The following CAPN1 variants were observed in gnomAD, a reference collection of about 807,000 sequenced individuals.
CAPN1 encodes calpain 1, also known as calpain-1 catalytic subunit.
A neutral mutation model predicts 105.2 loss-of-function variants in CAPN1; 77 were observed. The ratio of observed to expected loss-of-function variants is 0.73; its 90% confidence interval spans 0.61 to 0.88. The LOEUF (loss-of-function observed/expected upper bound fraction) is 0.88, where lower values mean the gene tolerates loss of function less well. Ranked by LOEUF, CAPN1 falls within the 40% of genes least tolerant of loss-of-function variation. The pLI is 0.00. For missense variants in CAPN1, 833 were observed against 976.6 expected (o/e 0.85, Z 1.96); for synonymous variants, 355 against 388.8 (o/e 0.91, Z 1.02).
intron 10 of CAPN1, among the ~76,000 whole-genome samples, chr11:65,198,273 T>C (rs1015179564): frequency 2.0e-5 from 3 of 152,072 alleles, no homozygotes; most frequent in African/African-American, 7.2e-5. Flanking sequence ...CCCGAGTAGC[T>C]GAGTGGTACT....
chr11:65,198,290 G>A (rs1442631007), intron 10 of CAPN1, among the ~76,000 whole-genome samples: 2 of 151,964 alleles, frequency 1.3e-5, no homozygotes, highest in African/African-American at 2.4e-5. Context: ...TACTACAGGT[G>A]CACACCACCA....
At chr11:65,205,563 G>A (rs1433704146) in intron 11 of CAPN1, 147 bp from the exon 12 acceptor site, 8 of 748,288 alleles carry the variant, frequency 1.1e-5, no homozygotes, top group Non-Finnish European at 1.4e-5. Flanking sequence ...GTGGTGCAGG[G>A]ACCAGATCTG....
Position 65,210,113 on chromosome 11 carries a change from G to A in CAPN1, c.1942+17G>A. 6.2e-7 allele frequency: 1 copy of A among 1,606,142 alleles called. No individual in the cohort carries two copies. Among genetic ancestry groups the A allele is most frequent in the South Asian group, 1.1e-5 (1 of 90,904 alleles). On this transcript the variant is annotated intron_variant, in intron 19 of 21. Transcript: ENST00000279247. The surrounding 1 kb of genome is among the most constrained non-coding windows in gnomAD (Gnocchi z 4.3). ...AGTCGGCAGGTGAGACTCCAAGGCT[G>A]ACGGCACCTGTGGGGCCCAGGACAG...
At chr11:65,187,578 G>A (rs1948653686) in intron 7 of CAPN1, 1 of 527,970 alleles carries the variant, frequency 1.9e-6, no homozygotes, top group African/African-American at 1.9e-5. Context: ...GAGGGTATGG[G>A]AGGCGGAGTG....
Position 65,210,273 on chromosome 11 carries a change from C to T in CAPN1, c.1943-63C>T. On this transcript the variant is annotated intron_variant, in intron 19 of 21. Transcript: ENST00000279247. The surrounding 1 kb of genome is among the most constrained non-coding windows in gnomAD (Gnocchi z 4.3). ...CCAGCCCCCTCCTGGGGACCCAACC[C>T]CTCCCCCATCCTGTTGGGCAGGGGC... 7.7e-7 allele frequency: 1 copy of T among 1,298,184 alleles called. No homozygotes were observed. Among genetic ancestry groups the T allele is most frequent in the South Asian group, 1.2e-5 (1 of 81,352 alleles). The allele number at this position is 1,298,184 out of a possible 1,614,324, so 80.4% of individuals were successfully genotyped here. A position where few individuals can be genotyped will look rare whatever the true frequency, so the allele number is the denominator to read the frequency against.
intron 10 of CAPN1, 61 bp from the exon 11 acceptor site, chr11:65,204,622 T>C: frequency 6.7e-7 from 1 of 1,483,938 alleles, no homozygotes; most frequent in Non-Finnish European, 9.4e-7. Context: ...TGAGGAGGCT[T>C]GGGGGCCAAT....
At chr11:65,182,124 G>C (rs1054202065) in intron 1 of CAPN1, 111 bp downstream of exon 1, 2 of 155,006 alleles carry the variant, frequency 1.3e-5, no homozygotes, top group African/African-American at 4.8e-5. Context: ...TCCTGGAGCA[G>C]GGGTGGGGGC....
chr11:65,186,495 C>T (rs572385471), intron 6 of CAPN1, among the ~76,000 whole-genome samples, 157 bp downstream of exon 6: 1 of 152,168 alleles, frequency 6.6e-6, no homozygotes, highest in Non-Finnish European at 1.5e-5. Context: ...TCACTTCCAC[C>T]CCCCATGCCT....
At chr11:65,201,620 C>T (rs1293965459) in intron 10 of CAPN1, among the ~76,000 whole-genome samples, 1 of 151,976 alleles carries the variant, frequency 6.6e-6, no homozygotes, top group Admixed American at 6.6e-5. Context: ...CAGGTTCATG[C>T]CATTCTCCTG....
intron 4 of CAPN1, among the ~76,000 whole-genome samples, chr11:65,185,309 C>T (rs902951490): frequency 2.0e-5 from 3 of 151,484 alleles, no homozygotes; most frequent in African/African-American, 7.3e-5. Context: ...GCAAGACAGA[C>T]TATGGAAGGG....
In CAPN1 at chr11:65,204,883, A is replaced by T. The variant is rs2271450; in HGVS notation, c.1341+25A>T. 592,280 of 1,584,654 alleles carry T rather than the reference A, an allele frequency of 0.37. 112,888 individuals carry two copies. Among genetic ancestry groups the T allele is most frequent in the Admixed American group, 0.46 (27,676 of 59,522 alleles). The stretch of plus-strand genomic sequence containing the variant: ...GGTCAGGAGGGTGGATCACCGGTGG[A>T]TCTCACTGAGCAGGCAGAGGACCTG... On this transcript the variant is annotated intron_variant, in intron 11 of 21. Coordinates refer to ENST00000279247, the MANE Select transcript of CAPN1 (RefSeq NM_005186.4).
chr11:65,204,094 G>A (rs767226422), intron 10 of CAPN1, among the ~76,000 whole-genome samples: 1 of 152,026 alleles, frequency 6.6e-6, no homozygotes. Context: ...TTTTTCTCTT[G>A]CCTTCTTCTA....
intron 12 of CAPN1, 55 bp downstream of exon 12, chr11:65,205,776 G>A: frequency 6.3e-7 from 1 of 1,579,000 alleles, no homozygotes; most frequent in Non-Finnish European, 8.7e-7. Flanking sequence ...GGTGCCAGAG[G>A]GGAGCAACCC....
intron 3 of CAPN1, 69 bp downstream of exon 3, chr11:65,183,266 C>A: frequency 6.9e-7 from 1 of 1,452,738 alleles, no homozygotes; most frequent in South Asian, 1.2e-5. Flanking sequence ...CTCCTTCAGG[C>A]TCTGCCCCAA....
rs527442960 is a variant in CAPN1 at position 65,208,491 on chromosome 11, G to T, written c.1729+229G>T. The T allele has an allele frequency of 3.4e-6, 2 of 594,028 alleles. No individual in the cohort carries two copies. Among genetic ancestry groups the T allele is most frequent in the East Asian group, 2.9e-5 (1 of 34,818 alleles). 36.8% of individuals were successfully genotyped at this position (594,028 alleles called of 1,614,324 possible). On this transcript the variant is annotated intron_variant, in intron 16 of 21. Coordinates refer to ENST00000279247, the MANE Select transcript of CAPN1 (RefSeq NM_005186.4). This position sits in a 1 kb window ranked among gnomAD's most constrained non-coding sequence, Gnocchi z 4.1. Reference sequence around the variant, plus strand: ...GCTGTGCCTTTGTGGGATTAGCAGCGCAGCCTGGCCAGGCACAGTGGCTCA... The same window carrying T: ...GCTGTGCCTTTGTGGGATTAGCAGCTCAGCCTGGCCAGGCACAGTGGCTCA...
At chr11:65,200,807 A>AT (rs200851048) in intron 10 of CAPN1, among the ~76,000 whole-genome samples, 1,827 of 150,534 alleles carry the variant, frequency 0.012, 36 homozygotes, top group African/African-American at 0.043. Flanking sequence ...AACTTCTTAC[A>AT]TTTTTTGGAG....
intron 10 of CAPN1, 59 bp from the exon 11 acceptor site, chr11:65,204,624 G>T: frequency 1.3e-6 from 2 of 1,503,130 alleles, no homozygotes; most frequent in Non-Finnish European, 1.8e-6. Context: ...AGGAGGCTTG[G>T]GGGCCAATTG....
In CAPN1 at chr11:65,188,442, T is replaced by C. The variant is rs370989378; in HGVS notation, c.958T>C (p.Tyr320His). ...CTCAGAGTGGAACAACGTGGACCCATATGAACGGGACCAGCTCCGGGTCAA... is the reference window on the plus strand; with the variant it reads ...CTCAGAGTGGAACAACGTGGACCCACATGAACGGGACCAGCTCCGGGTCAA... ...SSSEWNNVDP[Y>H]ERDQLRVKME... Residue 320 changes from tyrosine to histidine, a missense_variant, in exon 9 of 22, where the codon TAT (tyrosine) becomes CAT (histidine). Coordinates refer to ENST00000279247, the MANE Select transcript of CAPN1 (RefSeq NM_005186.4). This position sits in a 1 kb window ranked among gnomAD's most constrained non-coding sequence, Gnocchi z 5.5. The C allele has an allele frequency of 1.9e-6, 3 of 1,612,962 alleles. No homozygotes were observed. Among genetic ancestry groups the C allele is most frequent in the South Asian group, 2.2e-5 (2 of 90,816 alleles).
Position 65,209,329 on chromosome 11 carries a change from A to AC in CAPN1, c.1738dup (p.Leu580ProfsTer21). The AC allele has an allele frequency of 6.2e-7, 1 of 1,613,580 alleles. No individual in the cohort carries two copies. Among genetic ancestry groups the AC allele is most frequent in the South Asian group, 1.1e-5 (1 of 91,016 alleles). ...GAATTGGTTTTTCTTGCAGACAAAG[A>AC]CCTGCGGACCAAGGGCTTCAGCCTA... On this transcript the variant is annotated frameshift_variant, in exon 17 of 22. Coordinates refer to ENST00000279247, the MANE Select transcript of CAPN1 (RefSeq NM_005186.4). LOFTEE classifies it high-confidence loss of function. The surrounding 1 kb of genome is among the most constrained non-coding windows in gnomAD (Gnocchi z 4.1).
Sources: allele counts gnomAD v4.1 joint callset (sites outside exome capture counted in the v4.1 genomes callset), GRCh38; gene constraint gnomAD v4.1.1; non-coding constraint Gnocchi (gnomAD v3.1); transcripts MANE v1.5; gene names NCBI Gene and HGNC (gene_info 2026-07-23, HGNC 2026-07-21).